The following G3BP1 variants were observed in gnomAD, a reference collection of about 807,000 sequenced individuals.
The protein encoded by G3BP1 is ras GTPase-activating protein-binding protein 1.
Under a neutral mutation model 58.6 loss-of-function variants are expected in G3BP1, and 35 were observed. That is an observed-to-expected ratio of 0.60 (90% confidence interval 0.46 to 0.79). G3BP1 has a LOEUF of 0.79. G3BP1 is among the 30% of genes least tolerant of loss of function. The pLI is 0.00. For synonymous variants in G3BP1, 191 were observed against 195.4 expected (o/e 0.98, Z 0.19); for missense variants, 523 against 580.8 (o/e 0.90, Z 1.02).
chr5:151,791,518 T>G (rs1762652039), intron 4 of G3BP1: 1 of 159,072 alleles, frequency 6.3e-6, no homozygotes, highest in Non-Finnish European at 1.4e-5. Flanking sequence ...TGCATTGACA[T>G]TTTTGAAGAG....
At chr5:151,780,934 A>G (rs1236657072) in intron 1 of G3BP1, among the ~76,000 whole-genome samples, 5 of 152,320 alleles carry the variant, frequency 3.3e-5, no homozygotes, top group African/African-American at 4.8e-5. Context: ...GGAAAATTTG[A>G]AAGTTAATGT....
At chr5:151,794,389 C>CTT in intron 5 of G3BP1, 140 bp downstream of exon 5, 1 of 598,750 alleles carries the variant, frequency 1.7e-6, no homozygotes, top group East Asian at 2.8e-5. Context: ...TATGAAGAGT[C>CTT]TGAGGTTTTA....
Position 151,811,707 on chromosome 5 carries a change from C to T in G3BP1, c.*7616C>T, listed in dbSNP as rs1167000324. The T allele has an allele frequency of 6.6e-6, 1 of 151,504 alleles. No homozygotes were observed. The highest frequency in any genetic ancestry group is 1.5e-5 in the Non-Finnish European group (1 of 67,918). The allele number at this position is 151,504 out of a possible 1,614,324, so 9.4% of individuals were successfully genotyped here. A position where few individuals can be genotyped will look rare whatever the true frequency, so the allele number is the denominator to read the frequency against. On this transcript the variant is annotated 3_prime_UTR_variant, in exon 12 of 12. Transcript: ENST00000356245. ...AAAAAAAGGGGGGAAGAGTAAGGGG[C>T]AAAAGGGAATTAGTTGTTCAAGGTT... is the stretch of plus-strand genomic sequence containing the variant.
intron 2 of G3BP1, among the ~76,000 whole-genome samples, chr5:151,788,984 A>G (rs993062796): frequency 6.6e-6 from 1 of 152,120 alleles, no homozygotes; most frequent in Non-Finnish European, 1.5e-5. Flanking sequence ...TGTGTTGGTC[A>G]GGCTGGTCTC....
chr5:151,775,778 G>C (rs1038953868), intron 1 of G3BP1, among the ~76,000 whole-genome samples: 1 of 152,198 alleles, frequency 6.6e-6, no homozygotes, highest in Admixed American at 6.5e-5. Flanking sequence ...AACCTGAGTA[G>C]GTTTTAACTT....
chr5:151,790,145 A>T lies in G3BP1; in HGVS notation c.96-178A>T, dbSNP rs146139671. Among the ~76,000 whole-genome samples, 28 of 150,058 alleles carry T rather than the reference A, an allele frequency of 1.9e-4. No homozygotes were observed. The East Asian group carries it at 4.9e-3, about 26-fold the overall frequency. On this transcript the variant is annotated intron_variant, in intron 2 of 11. Transcript: ENST00000356245. ...AAAAAAAAAAATGTGCACATCAAAGATCATAGCCCCGGCACATCGAAGCTG... is the reference window on the plus strand; with the variant it reads ...AAAAAAAAAAATGTGCACATCAAAGTTCATAGCCCCGGCACATCGAAGCTG...
At position 151,793,733 on chromosome 5, in the gene G3BP1, C is replaced by T. The variant is rs1762698610; in HGVS notation, c.352-426C>T. On this transcript the variant is annotated intron_variant, in intron 4 of 11. Transcript: ENST00000356245. ...TGTCAGCAGGGCATGCTGGCTCATACCCATAATTCAGAACTTTGGGATGCT... is the reference window on the plus strand; with the variant it reads ...TGTCAGCAGGGCATGCTGGCTCATATCCATAATTCAGAACTTTGGGATGCT... Among the ~76,000 whole-genome samples the T allele has an allele frequency of 2.7e-5, 4 of 150,726 alleles. No homozygotes were observed. The South Asian group carries it at 8.4e-4, about 32-fold the overall frequency.
intron 1 of G3BP1, among the ~76,000 whole-genome samples, chr5:151,780,763 T>A (rs1762456697): frequency 6.6e-6 from 1 of 152,172 alleles, no homozygotes; most frequent in South Asian, 2.1e-4. Context: ...TCGCCCACCT[T>A]GGCTTCCTAA....
At position 151,800,860 on chromosome 5, in the gene G3BP1, T is replaced by A. The variant is rs1762837898; in HGVS notation, c.1185T>A (p.Leu395=). ...FDDSEPVQKV[L]SNRPIMFRGE... ...ATTCTGAGCCTGTTCAGAAAGTCCT[T>A]AGCAACAGGGTAAGCAGCTTTTTGT... The change falls in exon 11 of 12, where the codon CTT becomes CTA. Residue 395 remains leucine, a synonymous_variant. Coordinates refer to ENST00000356245, the MANE Select transcript of G3BP1 (RefSeq NM_005754.3). The A allele has an allele frequency of 6.4e-7, 1 of 1,566,896 alleles. No individual in the cohort carries two copies. The highest frequency in any genetic ancestry group is 8.8e-7 in the Non-Finnish European group (1 of 1,137,134).
intron 4 of G3BP1, 101 bp downstream of exon 4, chr5:151,791,163 C>T: frequency 9.6e-7 from 1 of 1,042,780 alleles, no homozygotes; most frequent in Non-Finnish European, 1.5e-6. Context: ...TTCAGACTTA[C>T]AGAAAACTTG....
At chr5:151,791,189 A>C in intron 4 of G3BP1, 127 bp downstream of exon 4, 1 of 781,162 alleles carries the variant, frequency 1.3e-6, no homozygotes, top group South Asian at 1.4e-5. Context: ...ATAGTACACT[A>C]ACTCCTATAT....
chr5:151,780,369 C>T (rs1762445810), intron 1 of G3BP1, among the ~76,000 whole-genome samples: 1 of 152,150 alleles, frequency 6.6e-6, no homozygotes, highest in South Asian at 2.1e-4. Flanking sequence ...AAAACTGGCA[C>T]TGAAAATGGG....
At chr5:151,792,566 C>T (rs1372304196) in intron 4 of G3BP1, among the ~76,000 whole-genome samples, 1 of 152,136 alleles carries the variant, frequency 6.6e-6, no homozygotes, top group Non-Finnish European at 1.5e-5. Context: ...TAAACTGTCT[C>T]ATTTAATACA....
chr5:151,796,172 G>T (rs1208030560), intron 6 of G3BP1, among the ~76,000 whole-genome samples: 4 of 152,140 alleles, frequency 2.6e-5, no homozygotes, highest in Admixed American at 6.5e-5. Flanking sequence ...GAACTAATCA[G>T]GTTACTCACT....
chr5:151,785,086 G>T (rs1361817785), intron 1 of G3BP1, among the ~76,000 whole-genome samples: 1 of 152,144 alleles, frequency 6.6e-6, no homozygotes, highest in African/African-American at 2.4e-5. Flanking sequence ...AACTAATGAC[G>T]AAATGATCCA....
intron 5 of G3BP1, among the ~76,000 whole-genome samples, chr5:151,794,915 C>T (rs80054316): frequency 0.012 from 1,854 of 152,302 alleles, 19 homozygotes; most frequent in Non-Finnish European, 0.016. Context: ...TGTCACGTAG[C>T]CAGTAAGGTG....
Position 151,808,658 on chromosome 5 carries a change from G to A in G3BP1, c.*4567G>A, listed in dbSNP as rs994038841. The stretch of plus-strand genomic sequence containing the variant: ...TCCTAAGTGTAGTATTTTGAAATGT[G>A]GCCAGTGTCCCAGATTTGTAAGGTA... On this transcript the variant is annotated 3_prime_UTR_variant, in exon 12 of 12. Transcript: ENST00000356245. 2.0e-5 allele frequency: 3 copies of A among 152,100 alleles called. No homozygotes were observed. The highest frequency in any genetic ancestry group is 1.3e-4 in the Admixed American group (2 of 15,270). The allele number at this position is 152,100 out of a possible 1,614,324, so 9.4% of individuals were successfully genotyped here.
chr5:151,803,817 T>G, intron 11 of G3BP1, 68 bp from the exon 12 acceptor site: 1 of 1,069,352 alleles, frequency 9.4e-7, no homozygotes, highest in Non-Finnish European at 1.4e-6. Flanking sequence ...TATTACAGCT[T>G]TCTTTATCTT....
At chr5:151,785,909 G>GTT (rs1762548859) in intron 1 of G3BP1, among the ~76,000 whole-genome samples, 1 of 152,196 alleles carries the variant, frequency 6.6e-6, no homozygotes, top group Non-Finnish European at 1.5e-5. Context: ...AAACTATGTT[G>GTT]TTTAAGATTA....
Sources: gnomAD v4.1 joint callset for allele counts (sites outside exome capture counted in the v4.1 genomes callset) on GRCh38, gnomAD v4.1.1 for gene constraint, MANE v1.5 for transcripts, NCBI Gene and HGNC (gene_info 2026-07-23, HGNC 2026-07-21) for gene names.